SYT1: variants seen among roughly 807,000 people sequenced by gnomAD.
The protein encoded by SYT1 is synaptotagmin 1, also known as synaptotagmin-1.
In SYT1, 8 loss-of-function variants were observed where a neutral mutation model predicts 44.8. The observed-to-expected ratio is 0.18, with a 90% CI of 0.10 to 0.32. The LOEUF (loss-of-function observed/expected upper bound fraction) is 0.32, where lower values mean the gene tolerates loss of function less well. SYT1 is among the 10% of genes least tolerant of loss of function. The pLI is 1.00. For synonymous variants in SYT1, 154 were observed against 188.8 expected (o/e 0.82, Z 1.51); for missense variants, 286 against 509.3 (o/e 0.56, Z 4.22).
intron 2 of SYT1, among the ~76,000 whole-genome samples, chr12:78,982,473 T>C (rs1869334445): frequency 6.6e-6 from 1 of 152,168 alleles, no homozygotes. Flanking sequence ...AGAGGAATTT[T>C]TCAATATCAA....
intron 1 of SYT1, among the ~76,000 whole-genome samples, chr12:78,865,642 A>G (rs924380557): frequency 3.3e-5 from 5 of 152,062 alleles, no homozygotes; most frequent in Non-Finnish European, 7.4e-5. Flanking sequence ...TAAACTGAAT[A>G]AGGGGAGTAG....
chr12:79,228,681 A>T (rs1875672794), intron 4 of SYT1, among the ~76,000 whole-genome samples: 1 of 152,144 alleles, frequency 6.6e-6, no homozygotes, highest in South Asian at 2.1e-4. Context: ...AGCCATTCAA[A>T]TAAAAAAATC....
At chr12:79,166,033 C>G (rs1871204370) in intron 3 of SYT1, among the ~76,000 whole-genome samples, 1 of 151,856 alleles carries the variant, frequency 6.6e-6, no homozygotes, top group East Asian at 1.9e-4. Context: ...AAACCAAAGA[C>G]AATAATCAAA....
intron 3 of SYT1, among the ~76,000 whole-genome samples, chr12:79,155,783 A>C (rs1224237008): frequency 6.6e-6 from 1 of 152,212 alleles, no homozygotes; most frequent in African/African-American, 2.4e-5. Flanking sequence ...CCATTTCAGA[A>C]GGGAAAAAGC....
At chr12:79,245,334 G>A (rs1390538586) in intron 4 of SYT1, among the ~76,000 whole-genome samples, 7 of 149,054 alleles carry the variant, frequency 4.7e-5, no homozygotes, top group Non-Finnish European at 1.0e-4. Flanking sequence ...AATTAGCCAG[G>A]CATGTTAGCG....
intron 3 of SYT1, among the ~76,000 whole-genome samples, chr12:79,105,389 T>C (rs1331879405): frequency 6.6e-6 from 1 of 152,072 alleles, no homozygotes; most frequent in Non-Finnish European, 1.5e-5. Context: ...TTGTTACATA[T>C]AAGGAAGAGT....
intron 8 of SYT1, among the ~76,000 whole-genome samples, chr12:79,318,409 T>C (rs1881202876): frequency 6.6e-6 from 1 of 152,252 alleles, no homozygotes; most frequent in Non-Finnish European, 1.5e-5. Context: ...GCATCCCTTC[T>C]GAAAGCCTTC....
At chr12:79,275,004 G>A (rs1878634835) in intron 4 of SYT1, among the ~76,000 whole-genome samples, 2 of 152,108 alleles carry the variant, frequency 1.3e-5, no homozygotes, top group South Asian at 4.1e-4. Flanking sequence ...CACCAGCATG[G>A]GTTGTGGCAG....
chr12:78,912,007 C>G (rs560257594), intron 1 of SYT1, among the ~76,000 whole-genome samples: 1 of 152,056 alleles, frequency 6.6e-6, no homozygotes, highest in Non-Finnish European at 1.5e-5. Flanking sequence ...GACATCGTGT[C>G]TGACTTCCAA....
At chr12:79,160,825 T>C (rs1388541315) in intron 3 of SYT1, among the ~76,000 whole-genome samples, 2 of 151,904 alleles carry the variant, frequency 1.3e-5, no homozygotes, top group East Asian at 1.9e-4. Context: ...TATAAAGAAA[T>C]AGTAAAGGTT....
rs576686315 is a variant in SYT1 at position 79,304,408 on chromosome 12, G to GT, written c.810+4864dup. On this transcript the variant is annotated intron_variant, in intron 8 of 10. Transcript: ENST00000261205. Reference sequence around the variant, plus strand: ...TGAAGATAGTTTAGTGCCTTTCTGGGTTTTTTTGGTATGTTTCTTTAAAGA... The same window carrying GT: ...TGAAGATAGTTTAGTGCCTTTCTGGGTTTTTTTTGGTATGTTTCTTTAAAGA... 1.4e-4 allele frequency among the ~76,000 whole-genome samples: 22 copies of GT among 152,206 alleles called. No individual in the cohort carries two copies. The South Asian group carries it at 1.9e-3, about 13-fold the overall frequency.
chr12:79,092,555 G>A (rs1297303894), intron 3 of SYT1, among the ~76,000 whole-genome samples: 1 of 148,928 alleles, frequency 6.7e-6, no homozygotes. Flanking sequence ...TAAGCCATGT[G>A]CCAAACAAAA....
intron 9 of SYT1, among the ~76,000 whole-genome samples, chr12:79,354,940 A>G (rs1196632239): frequency 6.6e-6 from 1 of 152,122 alleles, no homozygotes; most frequent in Non-Finnish European, 1.5e-5. Flanking sequence ...TGTCCCAAAT[A>G]TCCATGCCAA....
At chr12:79,232,396 T>G (rs1282602745) in intron 4 of SYT1, among the ~76,000 whole-genome samples, 1 of 152,186 alleles carries the variant, frequency 6.6e-6, no homozygotes, top group Admixed American at 6.5e-5. Context: ...TCTAGCCTCC[T>G]CTTCAACTGT....
chr12:79,021,519 T>G (rs1375663472), intron 2 of SYT1, among the ~76,000 whole-genome samples: 1 of 151,780 alleles, frequency 6.6e-6, no homozygotes, highest in Admixed American at 6.6e-5. Context: ...AAATCAATTA[T>G]TACTGAAAAT....
intron 3 of SYT1, among the ~76,000 whole-genome samples, chr12:79,094,605 G>GT: frequency 6.6e-6 from 1 of 151,874 alleles, no homozygotes; most frequent in Middle Eastern, 3.4e-3. Context: ...TATTAACCAA[G>GT]TTAACACTAC....
At chr12:79,410,800 A>G (rs905030572) in intron 9 of SYT1, among the ~76,000 whole-genome samples, 1 of 152,180 alleles carries the variant, frequency 6.6e-6, no homozygotes, top group Non-Finnish European at 1.5e-5. Context: ...AAGGTCATGT[A>G]TTTGTAGGCT....
chr12:78,966,568 A>G (rs1032328165), intron 1 of SYT1, among the ~76,000 whole-genome samples: 4 of 152,184 alleles, frequency 2.6e-5, no homozygotes, highest in Non-Finnish European at 5.9e-5. Context: ...GCGTTTCAAA[A>G]GATGTATGGC....
intron 3 of SYT1, among the ~76,000 whole-genome samples, chr12:79,050,994 G>T (rs1874438852): frequency 6.6e-6 from 1 of 151,092 alleles, no homozygotes; most frequent in Non-Finnish European, 1.5e-5. Context: ...TTTATATATG[G>T]CCTGATAGGT....
Sources: gnomAD v4.1 joint callset for allele counts (sites outside exome capture counted in the v4.1 genomes callset) on GRCh38, gnomAD v4.1.1 for gene constraint, MANE v1.5 for transcripts, NCBI Gene and HGNC (gene_info 2026-07-23, HGNC 2026-07-21) for gene names.